Variants in SGTA observed in about 807,000 individuals in gnomAD.
The protein encoded by SGTA is small glutamine rich tetratricopeptide repeat co-chaperone alpha.
A neutral mutation model predicts 44.3 loss-of-function variants in SGTA; 22 were observed. The observed-to-expected ratio is 0.50, with a 90% CI of 0.36 to 0.71. The LOEUF (loss-of-function observed/expected upper bound fraction) is 0.71. SGTA is among the 30% of genes least tolerant of loss of function. SGTA has a pLI of 0.00. For synonymous variants in SGTA, 174 were observed against 177.6 expected (o/e 0.98, Z 0.16); for missense variants, 341 against 435.9 (o/e 0.78, Z 1.94).
At chr19:2,772,669 G>A (rs1008941543) in intron 1 of SGTA, among the ~76,000 whole-genome samples, 1 of 152,258 alleles carries the variant, frequency 6.6e-6, no homozygotes, top group Non-Finnish European at 1.5e-5. Flanking sequence ...AGTGTACGGC[G>A]GGTCCCTAGA....
intron 7 of SGTA, 38 bp downstream of exon 7, chr19:2,762,468 C>G (rs1219806773): frequency 6.2e-7 from 1 of 1,610,558 alleles, no homozygotes. Context: ...ACACAGTCAG[C>G]TCGGCGTTCT....
In SGTA at chr19:2,769,929, G is replaced by A. The variant is rs1408763563; in HGVS notation, c.-23-838C>T. On this transcript the variant is annotated intron_variant, in intron 1 of 11. Transcript: ENST00000221566. ...CGGACACCAGCCTGGTTCCCCCACC[G>A]GACACCCGCCTGGTTCCCCCCTCGG... Among the ~76,000 whole-genome samples, 96 of 63,808 alleles carry A rather than the reference G, an allele frequency of 1.5e-3. 1 individual carries two copies. Among genetic ancestry groups the A allele is most frequent in the African/African-American group, 5.6e-3 (82 of 14,580 alleles). 41.9% of individuals were successfully genotyped at this position (63,808 alleles called of 152,430 possible).
intron 9 of SGTA, among the ~76,000 whole-genome samples, chr19:2,759,040 G>T (rs1478772998): frequency 6.6e-6 from 1 of 152,138 alleles, no homozygotes; most frequent in African/African-American, 2.4e-5. Flanking sequence ...ATGAAGATGG[G>T]TTGGTGCTCA....
In SGTA at chr19:2,755,696, C is replaced by T. The variant is rs1381548552; in HGVS notation, c.*244G>A. ...GCTTTCTGGGGGCTGGAAGGGAGGT[C>T]GCTGCTGGTCTGTGCTCAGCTTGCT... On this transcript the variant is annotated 3_prime_UTR_variant, in exon 12 of 12. Coordinates refer to ENST00000221566, the MANE Select transcript of SGTA (RefSeq NM_003021.4). The surrounding 1 kb of genome is among the most constrained non-coding windows in gnomAD (Gnocchi z 5.2). The T allele has an allele frequency of 1.3e-5, 13 of 985,328 alleles. No individual in the cohort carries two copies. The highest frequency in any genetic ancestry group is 1.7e-5 in the African/African-American group (1 of 57,198). The allele number at this position is 985,328 out of a possible 1,614,324, so 61.0% of individuals were successfully genotyped here.
intron 1 of SGTA, among the ~76,000 whole-genome samples, chr19:2,774,921 G>A (rs555830375): frequency 9.8e-5 from 15 of 152,304 alleles, no homozygotes; most frequent in Admixed American, 3.9e-4. Context: ...AGCGGTTCTC[G>A]ATGGATGTGC....
In SGTA at chr19:2,761,276, G is replaced by A. The variant is rs1006741003; in HGVS notation, c.699+184C>T. ...GGTGGGGGTGCTCCTGACATGGGGCGGGTGAGGCCAGGGGTGCTGCCAGCG... is the reference window on the plus strand; with the variant it reads ...GGTGGGGGTGCTCCTGACATGGGGCAGGTGAGGCCAGGGGTGCTGCCAGCG... On this transcript the variant is annotated intron_variant, in intron 8 of 11. Coordinates refer to ENST00000221566, the MANE Select transcript of SGTA (RefSeq NM_003021.4). The surrounding 1 kb of genome is among the most constrained non-coding windows in gnomAD (Gnocchi z 5.7). Among the ~76,000 whole-genome samples the A allele has an allele frequency of 6.6e-6, 1 of 152,274 alleles. No individual in the cohort carries two copies. Among genetic ancestry groups the A allele is most frequent in the East Asian group, 1.9e-4 (1 of 5,176 alleles).
At position 2,757,353 on chromosome 19, in the gene SGTA, T is replaced by A; in HGVS notation, c.932A>T (p.Gln311Leu). ...SRTPSASNDD[Q>L]QE ...TGCACTCACGCAGCGTCACTCCTGC[T>A]GGTCGTCGTTGCTGGCGCTGGGCGT... The change falls in exon 11 of 12, where the codon CAG becomes CTG. Residue 311 changes from glutamine to leucine, a missense_variant. By Grantham distance (113) the Gln-to-Leu change is moderately radical. Coordinates refer to ENST00000221566, the MANE Select transcript of SGTA (RefSeq NM_003021.4). The A allele has an allele frequency of 6.2e-7, 1 of 1,602,866 alleles. No homozygotes were observed. Among genetic ancestry groups the A allele is most frequent in the African/African-American group, 1.3e-5 (1 of 75,052 alleles).
At chr19:2,768,538 A>T (rs985373517) in intron 2 of SGTA, among the ~76,000 whole-genome samples, 6 of 152,134 alleles carry the variant, frequency 3.9e-5, no homozygotes, top group Non-Finnish European at 7.4e-5. Context: ...CAGCCAGGAG[A>T]CCAAGGCACC....
chr19:2,774,523 G>C (rs776069980), intron 1 of SGTA, among the ~76,000 whole-genome samples: 1 of 152,092 alleles, frequency 6.6e-6, no homozygotes, highest in Non-Finnish European at 1.5e-5. Flanking sequence ...CTAATGGCCC[G>C]AGACACGTAG....
In SGTA at chr19:2,761,612, G is replaced by A. The variant is rs1027788065; in HGVS notation, c.637-90C>T. On this transcript the variant is annotated intron_variant, in intron 7 of 11. Coordinates refer to ENST00000221566, the MANE Select transcript of SGTA (RefSeq NM_003021.4). The surrounding 1 kb of genome is among the most constrained non-coding windows in gnomAD (Gnocchi z 5.7). ...GAACTCAGAAACAACGGCCCCCCAC[G>A]GGGCTCAGACATTCTATCAACCCTG... 10 of 1,082,310 alleles carry A rather than the reference G, an allele frequency of 9.2e-6. No homozygotes were observed. The highest frequency in any genetic ancestry group is 2.7e-5 in the South Asian group (2 of 74,276). 67.0% of individuals were successfully genotyped at this position (1,082,310 alleles called of 1,614,324 possible).
At chr19:2,764,032 G>T (rs941252388) in intron 5 of SGTA, among the ~76,000 whole-genome samples, 1 of 152,200 alleles carries the variant, frequency 6.6e-6, no homozygotes, top group Non-Finnish European at 1.5e-5. Flanking sequence ...CTGTACAAGA[G>T]CAATGAGGGT....
chr19:2,771,426 A>G (rs1274261524), intron 1 of SGTA, among the ~76,000 whole-genome samples: 1 of 152,162 alleles, frequency 6.6e-6, no homozygotes, highest in African/African-American at 2.4e-5. Context: ...CCATGTCAAA[A>G]AAAAAAAATC....
intron 1 of SGTA, among the ~76,000 whole-genome samples, chr19:2,772,500 G>T (rs1915336639): frequency 6.6e-6 from 1 of 152,248 alleles, no homozygotes; most frequent in South Asian, 2.1e-4. Flanking sequence ...TCTGCGCGCA[G>T]CCACGCTGAC....
chr19:2,764,071 A>G (rs1915075141), intron 5 of SGTA, among the ~76,000 whole-genome samples: 1 of 152,236 alleles, frequency 6.6e-6, no homozygotes, highest in Non-Finnish European at 1.5e-5. Flanking sequence ...TTTCATTCAC[A>G]AATTATTTAC....
rs1329646348 is a variant in SGTA at position 2,763,058 on chromosome 19, A to C, written c.498-414T>G. On this transcript the variant is annotated intron_variant, in intron 6 of 11. Coordinates refer to ENST00000221566, the MANE Select transcript of SGTA (RefSeq NM_003021.4). This position sits in a 1 kb window ranked among gnomAD's most constrained non-coding sequence, Gnocchi z 5.8. ...CATCCACAAGCAGCCCCTGACCCCCACCTGAGTGAGTCTTCACTCGTGAGG... is the reference window on the plus strand; with the variant it reads ...CATCCACAAGCAGCCCCTGACCCCCCCCTGAGTGAGTCTTCACTCGTGAGG... Among the ~76,000 whole-genome samples, 1 of 127,568 alleles carries C rather than the reference A, an allele frequency of 7.8e-6. No individual in the cohort carries two copies. The allele number at this position is 127,568 out of a possible 152,430, so 83.7% of individuals were successfully genotyped here. A position where few individuals can be genotyped will look rare whatever the true frequency, so the allele number is the denominator to read the frequency against.
At chr19:2,769,845 G>C (rs1915253001) in intron 1 of SGTA, among the ~76,000 whole-genome samples, 1 of 121,352 alleles carries the variant, frequency 8.2e-6, no homozygotes, top group South Asian at 2.7e-4. Flanking sequence ...ACACCCTCCT[G>C]GTTCCCCCAG....
At chr19:2,756,037 C>T (rs1238237163) in intron 11 of SGTA, 104 bp from the exon 12 acceptor site, 1 of 608,118 alleles carries the variant, frequency 1.6e-6, no homozygotes, top group African/African-American at 2.0e-5. Context: ...AGCCAGGGGC[C>T]ACAGCGGCTA....
In SGTA at chr19:2,763,140, T is replaced by C. The variant is rs1255751957; in HGVS notation, c.498-496A>G. Among the ~76,000 whole-genome samples, 1 of 152,090 alleles carries C rather than the reference T, an allele frequency of 6.6e-6. No homozygotes were observed. The highest frequency in any genetic ancestry group is 1.5e-5 in the Non-Finnish European group (1 of 68,004). On this transcript the variant is annotated intron_variant, in intron 6 of 11. Coordinates refer to ENST00000221566, the MANE Select transcript of SGTA (RefSeq NM_003021.4). This position sits in a 1 kb window ranked among gnomAD's most constrained non-coding sequence, Gnocchi z 5.8. ...GGCGGGTCCTGGGGAGACTGGGCAGTTGAACAGGGCCCCTCCCCAGCCTCT... is the reference window on the plus strand; with the variant it reads ...GGCGGGTCCTGGGGAGACTGGGCAGCTGAACAGGGCCCCTCCCCAGCCTCT...
At chr19:2,762,726 C>T in intron 6 of SGTA, 82 bp from the exon 7 acceptor site, 1 of 1,542,436 alleles carries the variant, frequency 6.5e-7, no homozygotes, top group Non-Finnish European at 8.8e-7. Flanking sequence ...CCCGGCGGTC[C>T]TGGCAACCCC....
Sources: gnomAD v4.1 joint callset for allele counts (sites outside exome capture counted in the v4.1 genomes callset) on GRCh38, gnomAD v4.1.1 for gene constraint, Gnocchi (gnomAD v3.1) non-coding constraint, MANE v1.5 for transcripts, NCBI Gene and HGNC (gene_info 2026-07-23, HGNC 2026-07-21) for gene names.